The following AGK variants were observed in gnomAD, a reference collection of about 807,000 sequenced individuals.
AGK encodes the protein acylglycerol kinase, mitochondrial.
A neutral mutation model predicts 66.4 loss-of-function variants in AGK; 52 were observed. That is an observed-to-expected ratio of 0.78 (90% CI 0.63 to 0.99). The LOEUF (loss-of-function observed/expected upper bound fraction) is 0.99. AGK is among the 50% of genes least tolerant of loss of function. The pLI, the probability that AGK is intolerant of heterozygous loss-of-function variation, is 0.00. For missense variants in AGK, 451 were observed against 506.6 expected, an observed-to-expected ratio of 0.89 and a Z score of 1.05; for synonymous variants, 182 against 181.1, an observed-to-expected ratio of 1.00 and a Z score of -0.04.
chr7:141,645,357 A>G (rs1208582833), intron 13 of AGK, among the ~76,000 whole-genome samples: 1 of 152,204 alleles, frequency 6.6e-6, no homozygotes, highest in South Asian at 2.1e-4. Context: ...GTAGATGGAC[A>G]TATAATTGAT....
chr7:141,602,848 C>G (rs1156706351), intron 5 of AGK, among the ~76,000 whole-genome samples: 1 of 151,898 alleles, frequency 6.6e-6, no homozygotes, highest in African/African-American at 2.4e-5. Flanking sequence ...CTTTTTGATG[C>G]ATAATATTTT....
chr7:141,587,008 A>G (rs571092889), intron 2 of AGK, among the ~76,000 whole-genome samples: 2 of 152,304 alleles, frequency 1.3e-5, no homozygotes, highest in South Asian at 4.2e-4. Flanking sequence ...GCTGTGGCCT[A>G]GACACCTCCA....
chr7:141,607,847 C>T (rs1796497974), intron 5 of AGK, among the ~76,000 whole-genome samples: 1 of 151,806 alleles, frequency 6.6e-6, no homozygotes, highest in Non-Finnish European at 1.5e-5. Flanking sequence ...TGTTAGGCCA[C>T]CTTTTTATCC....
chr7:141,552,034 C>T (rs564742035), intron 1 of AGK, among the ~76,000 whole-genome samples: 1 of 152,300 alleles, frequency 6.6e-6, no homozygotes, highest in East Asian at 1.9e-4. Context: ...CACCCAAGCA[C>T]AAAAACCTGG....
At position 141,653,619 on chromosome 7, in the gene AGK, TAA is replaced by T. The variant is rs368254280; in HGVS notation, c.*699_*700del. 6.6e-6 allele frequency: 1 copy of T among 152,214 alleles called. No homozygotes were observed. Among genetic ancestry groups the T allele is most frequent in the Non-Finnish European group, 1.5e-5 (1 of 68,040 alleles). The allele number at this position is 152,214 out of a possible 1,614,324, so 9.4% of individuals were successfully genotyped here. On this transcript the variant is annotated 3_prime_UTR_variant, in exon 16 of 16. Coordinates refer to ENST00000649286, the MANE Select transcript of AGK (RefSeq NM_018238.4). ...GATGGGGCCCAGGAATATGCATTTT[TAA>T]AAAGTCATCTGCCCTTCCCAGGTGA...
intron 2 of AGK, among the ~76,000 whole-genome samples, chr7:141,586,888 C>T (rs1246910208): frequency 6.6e-6 from 1 of 152,172 alleles, no homozygotes; most frequent in Non-Finnish European, 1.5e-5. Context: ...ATCAGGGTAT[C>T]TCTTCCTCCT....
At chr7:141,614,250 CTT>C in intron 7 of AGK, 72 bp downstream of exon 7, 1 of 1,165,602 alleles carries the variant, frequency 8.6e-7, no homozygotes, top group Admixed American at 2.6e-5. Flanking sequence ...CTTTCTTTTA[CTT>C]TTTTTTTCCA....
intron 9 of AGK, among the ~76,000 whole-genome samples, chr7:141,628,456 C>A (rs976350309): frequency 6.6e-6 from 1 of 152,142 alleles, no homozygotes; most frequent in African/African-American, 2.4e-5. Context: ...ATAGACAAAG[C>A]CTTGTACTAT....
At chr7:141,618,627 C>T (rs964825451) in intron 8 of AGK, among the ~76,000 whole-genome samples, 4 of 152,022 alleles carry the variant, frequency 2.6e-5, no homozygotes, top group Admixed American at 2.6e-4. Context: ...AACTGCTTCA[C>T]CTAGAAAAGT....
intron 2 of AGK, among the ~76,000 whole-genome samples, chr7:141,561,623 T>G (rs550199979): frequency 7.4e-4 from 112 of 152,218 alleles, no homozygotes; most frequent in African/African-American, 2.6e-3. Flanking sequence ...TATTTTTTTT[T>G]TCTTGCTGAT....
intron 2 of AGK, among the ~76,000 whole-genome samples, chr7:141,561,241 G>A (rs1340175312): frequency 6.6e-6 from 1 of 152,182 alleles, no homozygotes; most frequent in African/African-American, 2.4e-5. Flanking sequence ...GCATATGCAA[G>A]TGTCTTTTTC....
intron 11 of AGK, among the ~76,000 whole-genome samples, chr7:141,639,563 G>A (rs902377680): frequency 6.6e-6 from 1 of 152,148 alleles, no homozygotes; most frequent in African/African-American, 2.4e-5. Context: ...TAAAGGGTAG[G>A]TCCAGATGAA....
chr7:141,602,524 A>G (rs1253474192), intron 5 of AGK, among the ~76,000 whole-genome samples: 1 of 152,020 alleles, frequency 6.6e-6, no homozygotes, highest in Non-Finnish European at 1.5e-5. Flanking sequence ...TTTCTATAGC[A>G]TATGTAATGT....
intron 5 of AGK, among the ~76,000 whole-genome samples, chr7:141,607,257 G>A (rs181526271): frequency 6.6e-6 from 1 of 152,112 alleles, no homozygotes; most frequent in Non-Finnish European, 1.5e-5. Flanking sequence ...GTACCATTTT[G>A]TATTATTACC....
At chr7:141,601,917 A>G (rs574699572) in intron 5 of AGK, among the ~76,000 whole-genome samples, 1 of 152,302 alleles carries the variant, frequency 6.6e-6, no homozygotes, top group East Asian at 1.9e-4. Context: ...CATAGAAGTT[A>G]AAAAGGATCA....
intron 14 of AGK, chr7:141,650,693 A>G: frequency 1.0e-6 from 1 of 985,224 alleles, no homozygotes; most frequent in Middle Eastern, 5.2e-4. Context: ...ATTTTACTCC[A>G]TAGTCACTCA....
At chr7:141,652,554 A>G (rs1187387915) in intron 15 of AGK, 2 of 391,368 alleles carry the variant, frequency 5.1e-6, no homozygotes, top group Non-Finnish European at 9.3e-6. Flanking sequence ...ATAGGGGCCA[A>G]AAAAAGAAAA....
intron 13 of AGK, among the ~76,000 whole-genome samples, chr7:141,646,289 T>G: frequency 6.8e-6 from 1 of 148,056 alleles, no homozygotes; most frequent in African/African-American, 2.5e-5. Flanking sequence ...GAGATAGAGG[T>G]TGAGTTACCT....
At chr7:141,569,699 T>C (rs1029750455) in intron 2 of AGK, among the ~76,000 whole-genome samples, 2 of 152,188 alleles carry the variant, frequency 1.3e-5, no homozygotes, top group African/African-American at 2.4e-5. Flanking sequence ...TAGCCCTATA[T>C]AGATGAAGAA....
Sources: allele counts gnomAD v4.1 joint callset (sites outside exome capture counted in the v4.1 genomes callset), GRCh38; gene constraint gnomAD v4.1.1; transcripts MANE v1.5; gene names NCBI Gene and HGNC (gene_info 2026-07-23, HGNC 2026-07-21).